BNIP2: variants seen among roughly 807,000 people sequenced by gnomAD.
The protein encoded by BNIP2 is BCL2/adenovirus E1B 19 kDa protein-interacting protein 2.
In BNIP2, 36 loss-of-function variants were observed where a neutral mutation model predicts 43.4. That is an observed-to-expected ratio of 0.83 (90% confidence interval 0.64 to 1.10). The LOEUF (loss-of-function observed/expected upper bound fraction) is 1.10, where lower values mean the gene tolerates loss of function less well. BNIP2 is among the 50% of genes least tolerant of loss of function. The pLI is 0.00. For missense variants in BNIP2, 417 were observed against 374.1 expected, an observed-to-expected ratio of 1.11 and a Z score of -0.95; for synonymous variants, 146 against 121.0, an observed-to-expected ratio of 1.21 and a Z score of -1.35.
intron 5 of BNIP2, among the ~76,000 whole-genome samples, chr15:59,676,290 C>T (rs1481403199): frequency 6.6e-6 from 1 of 152,184 alleles, no homozygotes; most frequent in Non-Finnish European, 1.5e-5. Flanking sequence ...CCTCCCACCC[C>T]AGCCTCCTAA....
Position 59,671,325 on chromosome 15 carries a change from CAAATT to C in BNIP2, c.576-16_576-12del. 6.3e-7 allele frequency: 1 copy of C among 1,575,114 alleles called. No homozygotes were observed. Among genetic ancestry groups the C allele is most frequent in the Non-Finnish European group, 8.6e-7 (1 of 1,158,848 alleles). The stretch of plus-strand genomic sequence containing the variant: ...GTGCCAATAACATATCTGTAAAAAA[CAAATT>C]AAGTTTAAGCCTTAAAAATCACTGT... On this transcript the variant is annotated splice_polypyrimidine_tract_variant and intron_variant, in intron 6 of 9. Coordinates refer to ENST00000607373, the MANE Select transcript of BNIP2 (RefSeq NM_004330.4).
chr15:59,679,820 TA>T (rs1329258794), intron 3 of BNIP2, 52 bp from the exon 4 acceptor site: 10 of 1,372,708 alleles, frequency 7.3e-6, no homozygotes, highest in South Asian at 1.8e-5. Flanking sequence ...GCTTAGATGC[TA>T]AAGTTGAATA....
intron 5 of BNIP2, among the ~76,000 whole-genome samples, chr15:59,676,090 A>G (rs549148088): frequency 6.6e-6 from 1 of 152,234 alleles, no homozygotes; most frequent in Non-Finnish European, 1.5e-5. Flanking sequence ...CTGCACACTT[A>G]AGATCAGAGC....
intron 9 of BNIP2, among the ~76,000 whole-genome samples, chr15:59,664,763 C>G (rs371134700): frequency 6.6e-6 from 1 of 151,950 alleles, no homozygotes; most frequent in East Asian, 1.9e-4. Flanking sequence ...CCAGGTGGTA[C>G]GAAAATGGCA....
At chr15:59,670,920 A>G (rs2141995376) in intron 7 of BNIP2, among the ~76,000 whole-genome samples, 1 of 152,142 alleles carries the variant, frequency 6.6e-6, no homozygotes, top group South Asian at 2.1e-4. Flanking sequence ...CAAAAAATAC[A>G]ACATTAGCTG....
chr15:59,683,284 A>T (rs1893810878), intron 1 of BNIP2, among the ~76,000 whole-genome samples: 1 of 152,236 alleles, frequency 6.6e-6, no homozygotes, highest in Non-Finnish European at 1.5e-5. Flanking sequence ...GTGATGGAGT[A>T]AGAAATAGAA....
Position 59,660,030 on chromosome 15 carries a change from G to A in BNIP2, c.*4039C>T, listed in dbSNP as rs751101806. On this transcript the variant is annotated 3_prime_UTR_variant, in exon 10 of 10. Coordinates refer to ENST00000607373, the MANE Select transcript of BNIP2 (RefSeq NM_004330.4). ...TTCATTCAGAATTTCAAGAAGGGCA[G>A]AGGGGGATGCTTGCCAGGTAATTCT... 1 of 152,204 alleles carries A rather than the reference G, an allele frequency of 6.6e-6. No homozygotes were observed. Among genetic ancestry groups the A allele is most frequent in the Non-Finnish European group, 1.5e-5 (1 of 68,030 alleles). 9.4% of individuals were successfully genotyped at this position (152,204 alleles called of 1,614,324 possible). A position where few individuals can be genotyped will look rare whatever the true frequency, so the allele number is the denominator to read the frequency against.
intron 2 of BNIP2, among the ~76,000 whole-genome samples, chr15:59,680,994 G>A (rs1893632615): frequency 6.6e-6 from 1 of 152,122 alleles, no homozygotes. Context: ...TTATGCAACA[G>A]CTCTTATACA....
At chr15:59,666,266 A>C (rs147930247) in intron 9 of BNIP2, among the ~76,000 whole-genome samples, 1 of 152,200 alleles carries the variant, frequency 6.6e-6, no homozygotes, top group Non-Finnish European at 1.5e-5. Context: ...CCTGCTCCCC[A>C]AAAACCTGCC....
At chr15:59,678,127 C>G (rs375480371) in intron 4 of BNIP2, 40 bp from the exon 5 acceptor site, 71 of 1,559,664 alleles carry the variant, frequency 4.6e-5, no homozygotes, top group Non-Finnish European at 6.1e-5. Flanking sequence ...AATTGTTACA[C>G]AACAAAAATC....
In BNIP2 at chr15:59,660,648, A is replaced by G. The variant is rs1892206204; in HGVS notation, c.*3421T>C. ...CAAAAAGCAGATCTCTTACCTTTTT[A>G]AATTCTGGAATTACGGTTAAAAAAA... On this transcript the variant is annotated 3_prime_UTR_variant, in exon 10 of 10. Transcript: ENST00000607373. 1 of 152,246 alleles carries G rather than the reference A, an allele frequency of 6.6e-6. No homozygotes were observed. Among genetic ancestry groups the G allele is most frequent in the Non-Finnish European group, 1.5e-5 (1 of 68,042 alleles). The allele number at this position is 152,246 out of a possible 1,614,324, so 9.4% of individuals were successfully genotyped here.
At chr15:59,676,685 A>C in intron 5 of BNIP2, 1 of 638,838 alleles carries the variant, frequency 1.6e-6, no homozygotes, top group Non-Finnish European at 2.7e-6. Flanking sequence ...CTGATATTGC[A>C]TGAAACGGCT....
intron 2 of BNIP2, among the ~76,000 whole-genome samples, chr15:59,680,556 G>A (rs557042010): frequency 1.1e-3 from 165 of 152,102 alleles, no homozygotes; most frequent in African/African-American, 3.7e-3. Flanking sequence ...CTACAGGTGC[G>A]TGCCACGACG....
At position 59,661,352 on chromosome 15, in the gene BNIP2, G is replaced by C. The variant is rs920248534; in HGVS notation, c.*2717C>G. On this transcript the variant is annotated 3_prime_UTR_variant, in exon 10 of 10. Transcript: ENST00000607373. ...CTCCAAAAAAAAAAAAAAAAAAAGA[G>C]AGGGCACACATACAGTGGCATCTTA... is the stretch of plus-strand genomic sequence containing the variant. The C allele has an allele frequency of 7.3e-6, 1 of 137,154 alleles. No individual in the cohort carries two copies. The highest frequency in any genetic ancestry group is 7.2e-5 in the Admixed American group (1 of 13,822). 8.5% of individuals were successfully genotyped at this position (137,154 alleles called of 1,614,324 possible). A position where few individuals can be genotyped will look rare whatever the true frequency, so the allele number is the denominator to read the frequency against.
intron 9 of BNIP2, among the ~76,000 whole-genome samples, chr15:59,666,927 A>G (rs1478406419): frequency 1.3e-5 from 2 of 152,190 alleles, no homozygotes; most frequent in Non-Finnish European, 2.9e-5. Flanking sequence ...ATTACTTAAC[A>G]GTATTAAAAA....
intron 2 of BNIP2, 104 bp from the exon 3 acceptor site, chr15:59,680,412 A>G (rs1893594599): frequency 1.1e-6 from 1 of 896,620 alleles, no homozygotes; most frequent in Non-Finnish European, 1.6e-6. Context: ...TATTTGGAAA[A>G]TGGAATAAAG....
intron 7 of BNIP2, among the ~76,000 whole-genome samples, chr15:59,670,291 T>G (rs1165687220): frequency 6.6e-6 from 1 of 152,016 alleles, no homozygotes; most frequent in Non-Finnish European, 1.5e-5. Flanking sequence ...ATTAGCTGGG[T>G]GTGGTGGCAC....
chr15:59,670,256 C>T (rs919556452), intron 7 of BNIP2, among the ~76,000 whole-genome samples: 4 of 152,162 alleles, frequency 2.6e-5, no homozygotes, highest in Admixed American at 2.6e-4. Flanking sequence ...CATGTCAAAA[C>T]GCTGTCTCTA....
chr15:59,669,119 G>A, intron 8 of BNIP2, 129 bp from the exon 9 acceptor site: 1 of 1,067,640 alleles, frequency 9.4e-7, no homozygotes, highest in Non-Finnish European at 1.4e-6. Flanking sequence ...TGTCTGAGGT[G>A]ATGGATGTAC....
Sources: gnomAD v4.1 joint callset for allele counts (sites outside exome capture counted in the v4.1 genomes callset) on GRCh38, gnomAD v4.1.1 for gene constraint, MANE v1.5 for transcripts, NCBI Gene and HGNC (gene_info 2026-07-23, HGNC 2026-07-21) for gene names.